Variants in PRKN observed in about 807,000 individuals in gnomAD.
The protein encoded by PRKN is E3 ubiquitin-protein ligase parkin.
In PRKN, 56 loss-of-function variants were observed where a neutral mutation model predicts 59.5. The ratio of observed to expected loss-of-function variants is 0.94; its 90% CI spans 0.76 to 1.18. The LOEUF is 1.18. Among genes scored for constraint, PRKN ranks in the 50% most tolerant of loss-of-function variants. PRKN has a pLI of 0.00. For synonymous variants in PRKN, 250 were observed against 222.1 expected (o/e 1.13, Z -1.12); for missense variants, 657 against 596.4 (o/e 1.10, Z -1.06).
chr6:162,213,229 A>C (rs565579126), intron 3 of PRKN, among the ~76,000 whole-genome samples: 2 of 152,188 alleles, frequency 1.3e-5, no homozygotes, highest in Non-Finnish European at 2.9e-5. Context: ...TCAAGATGCC[A>C]TCTATCAATA....
chr6:161,675,262 A>G (rs1785045099), intron 7 of PRKN, among the ~76,000 whole-genome samples: 1 of 152,178 alleles, frequency 6.6e-6, no homozygotes, highest in Admixed American at 6.5e-5. Flanking sequence ...GAAATGTACA[A>G]CAGATTCCCT....
In PRKN at chr6:161,560,226, T is replaced by G. The variant is rs1780406254; in HGVS notation, c.933+9129A>C. On this transcript the variant is annotated intron_variant, in intron 8 of 11. Coordinates refer to ENST00000366898, the MANE Select transcript of PRKN (RefSeq NM_004562.3). The surrounding 1 kb of genome is among the most constrained non-coding windows in gnomAD (Gnocchi z 4.9). ...TAACTGCCCTGTATAATCAGCCTTT[T>G]GAAAGGTTTCCCTGTCCACACTGAC... 6.6e-6 allele frequency among the ~76,000 whole-genome samples: 1 copy of G among 152,192 alleles called. No homozygotes were observed. The highest frequency in any genetic ancestry group is 1.5e-5 in the Non-Finnish European group (1 of 68,024).
chr6:161,737,733 A>G (rs1788023357), intron 7 of PRKN, among the ~76,000 whole-genome samples: 1 of 152,184 alleles, frequency 6.6e-6, no homozygotes, highest in Non-Finnish European at 1.5e-5. Flanking sequence ...TGACCATACC[A>G]GATGACTCCA....
intron 1 of PRKN, among the ~76,000 whole-genome samples, chr6:162,635,115 G>T (rs142961901): frequency 1.3e-5 from 2 of 152,182 alleles, no homozygotes; most frequent in Admixed American, 6.5e-5. Context: ...TTCCTTTCAT[G>T]CAGGACAGTC....
chr6:162,521,616 A>C (rs1280295294), intron 1 of PRKN, among the ~76,000 whole-genome samples: 1 of 152,188 alleles, frequency 6.6e-6, no homozygotes, highest in Non-Finnish European at 1.5e-5. Flanking sequence ...ATACACACAC[A>C]AACTCCATAT....
chr6:161,884,395 C>T (rs1037395722), intron 6 of PRKN, among the ~76,000 whole-genome samples: 2 of 152,162 alleles, frequency 1.3e-5, no homozygotes, highest in African/African-American at 2.4e-5. Context: ...TTTCATTTTG[C>T]AGCTTAGTTT....
At chr6:162,647,827 C>T (rs1039428577) in intron 1 of PRKN, among the ~76,000 whole-genome samples, 1 of 151,784 alleles carries the variant, frequency 6.6e-6, no homozygotes, top group African/African-American at 2.4e-5. Flanking sequence ...TTTCCTCTGT[C>T]ACCACTTTAT....
intron 10 of PRKN, among the ~76,000 whole-genome samples, chr6:161,380,426 C>CTTTT (rs977152868): frequency 5.0e-4 from 59 of 117,904 alleles, no homozygotes; most frequent in Non-Finnish European, 6.6e-4. Context: ...CCAAGTCTAT[C>CTTTT]TTTTTTTTTT....
At chr6:161,412,815 C>G (rs1357813800) in intron 9 of PRKN, among the ~76,000 whole-genome samples, 1 of 151,528 alleles carries the variant, frequency 6.6e-6, no homozygotes, top group Non-Finnish European at 1.5e-5. Flanking sequence ...CTCACTCATT[C>G]CTTCACTCAC....
chr6:161,941,089 G>A (rs898878663), intron 6 of PRKN, among the ~76,000 whole-genome samples: 1 of 152,198 alleles, frequency 6.6e-6, no homozygotes, highest in African/African-American at 2.4e-5. Context: ...GGTAGAGGAG[G>A]GCATGGTCCC....
chr6:162,656,707 C>G (rs1253292216), intron 1 of PRKN, among the ~76,000 whole-genome samples: 1 of 152,166 alleles, frequency 6.6e-6, no homozygotes, highest in African/African-American at 2.4e-5. Context: ...TGACCACCAC[C>G]ATCCCAACAC....
At chr6:162,433,308 T>A (rs953791406) in intron 2 of PRKN, among the ~76,000 whole-genome samples, 2 of 152,192 alleles carry the variant, frequency 1.3e-5, no homozygotes, top group Non-Finnish European at 2.9e-5. Context: ...AGAGCTTAAA[T>A]GACTTGTCCT....
At chr6:162,556,307 G>A (rs535420509) in intron 1 of PRKN, among the ~76,000 whole-genome samples, 2 of 149,968 alleles carry the variant, frequency 1.3e-5, no homozygotes, top group Non-Finnish European at 3.0e-5. Flanking sequence ...GCAACTGAAG[G>A]CGGGCAGAAG....
chr6:162,466,513 C>T (rs577834868), intron 1 of PRKN, among the ~76,000 whole-genome samples: 1 of 152,184 alleles, frequency 6.6e-6, no homozygotes, highest in East Asian at 1.9e-4. Flanking sequence ...ATCCTCCCAC[C>T]TCACCCTCAA....
intron 6 of PRKN, among the ~76,000 whole-genome samples, chr6:161,800,812 T>C (rs1583180846): frequency 6.6e-6 from 1 of 152,224 alleles, no homozygotes; most frequent in East Asian, 1.9e-4. Flanking sequence ...TCAGGCACAA[T>C]GTCTGGTGAC....
chr6:161,380,711 C>T (rs1358248846), intron 10 of PRKN, among the ~76,000 whole-genome samples: 3 of 152,050 alleles, frequency 2.0e-5, no homozygotes, highest in Admixed American at 6.6e-5. Flanking sequence ...TGTAACACAA[C>T]GTTGCAGCCA....
chr6:161,591,760 T>C (rs1347167569), intron 7 of PRKN, among the ~76,000 whole-genome samples: 1 of 152,248 alleles, frequency 6.6e-6, no homozygotes, highest in Non-Finnish European at 1.5e-5. Context: ...GTACAGCCTA[T>C]TCTATGTTAG....
chr6:161,563,273 G>C (rs1023871631), intron 8 of PRKN, among the ~76,000 whole-genome samples: 10 of 152,012 alleles, frequency 6.6e-5, no homozygotes, highest in Admixed American at 3.3e-4. Context: ...TCCAACACTA[G>C]CACAATAATA....
At position 161,454,080 on chromosome 6, in the gene PRKN, C is replaced by A. The variant is rs1583089441; in HGVS notation, c.1084-67203G>T. On this transcript the variant is annotated intron_variant, in intron 9 of 11. Transcript: ENST00000366898. The surrounding 1 kb of genome is among the most constrained non-coding windows in gnomAD (Gnocchi z 4.6). ...GACTAATTTGTCAAGCAAGCACAGA[C>A]CACACATGGTTTCTTTTTATTTCTT... Among the ~76,000 whole-genome samples the A allele has an allele frequency of 6.6e-6, 1 of 152,054 alleles. No homozygotes were observed. The highest frequency in any genetic ancestry group is 1.5e-5 in the Non-Finnish European group (1 of 68,012).
Sources: allele counts gnomAD v4.1 joint callset (sites outside exome capture counted in the v4.1 genomes callset), GRCh38; gene constraint gnomAD v4.1.1; non-coding constraint Gnocchi (gnomAD v3.1); transcripts MANE v1.5; gene names NCBI Gene and HGNC (gene_info 2026-07-23, HGNC 2026-07-21).